The following ST18 variants were observed in gnomAD, a reference collection of about 807,000 sequenced individuals.
ST18 encodes suppression of tumorigenicity 18 protein.
Under a neutral mutation model 110.0 loss-of-function variants are expected in ST18, and 50 were observed. The ratio of observed to expected loss-of-function variants is 0.45; its 90% CI spans 0.36 to 0.58. The LOEUF (loss-of-function observed/expected upper bound fraction) is 0.58. Among genes scored for constraint, ST18 ranks in the 20% least tolerant of loss-of-function variants. ST18 has a pLI of 0.00. For synonymous variants in ST18, 461 were observed against 452.4 expected, an observed-to-expected ratio of 1.02 and a Z score of -0.24; for missense variants, 1,306 against 1,280.1, an observed-to-expected ratio of 1.02 and a Z score of -0.31.
chr8:52,255,183 T>C (rs2138500527), intron 2 of ST18, among the ~76,000 whole-genome samples: 1 of 152,318 alleles, frequency 6.6e-6, no homozygotes, highest in South Asian at 2.1e-4. Flanking sequence ...GAATGGTCTC[T>C]GTGCGGCCCG....
chr8:52,361,940 G>T (rs2140454847), intron 2 of ST18, among the ~76,000 whole-genome samples: 1 of 151,950 alleles, frequency 6.6e-6, no homozygotes, highest in South Asian at 2.1e-4. Flanking sequence ...CAATATGTCT[G>T]AAAATAATTT....
At chr8:52,130,159 G>GAAAC (rs1554586063) in intron 22 of ST18, among the ~76,000 whole-genome samples, 1 of 148,572 alleles carries the variant, frequency 6.7e-6, no homozygotes, top group African/African-American at 2.5e-5. Context: ...AAGAAAGAAA[G>GAAAC]AAAGAAAAAG....
At chr8:52,136,188 C>A (rs1008151866) in intron 19 of ST18, among the ~76,000 whole-genome samples, 3 of 151,958 alleles carry the variant, frequency 2.0e-5, no homozygotes, top group Non-Finnish European at 4.4e-5. Flanking sequence ...TTTTGGCACC[C>A]AAGAGTGAAA....
intron 15 of ST18, among the ~76,000 whole-genome samples, chr8:52,150,541 A>G (rs951228676): frequency 1.3e-5 from 2 of 152,204 alleles, no homozygotes; most frequent in African/African-American, 4.8e-5. Flanking sequence ...ACCCTAGGCT[A>G]TGTGAGCCGG....
chr8:52,276,767 CTTT>C (rs112922704), intron 2 of ST18, among the ~76,000 whole-genome samples: 2 of 140,720 alleles, frequency 1.4e-5, no homozygotes, highest in Admixed American at 7.1e-5. Flanking sequence ...CCTATAAAAT[CTTT>C]TTTTTTTTTT....
At chr8:52,261,500 A>C (rs1174997352) in intron 2 of ST18, among the ~76,000 whole-genome samples, 1 of 152,166 alleles carries the variant, frequency 6.6e-6, no homozygotes, top group Non-Finnish European at 1.5e-5. Context: ...TTCTATGTTA[A>C]CTTCAAAATA....
intron 8 of ST18, among the ~76,000 whole-genome samples, chr8:52,193,131 G>A (rs2075120056): frequency 6.6e-6 from 1 of 152,230 alleles, no homozygotes; most frequent in African/African-American, 2.4e-5. Context: ...GTGCAACCAA[G>A]TAAACTGTCT....
At chr8:52,277,707 C>T (rs79092074) in intron 2 of ST18, among the ~76,000 whole-genome samples, 1,566 of 152,274 alleles carry the variant, frequency 0.01, 24 homozygotes, top group African/African-American at 0.036. Flanking sequence ...TCACCATCAG[C>T]AATACTTAGA....
Position 52,131,965 on chromosome 8 carries a change from G to C in ST18, c.2659C>G (p.His887Asp). The C allele has an allele frequency of 6.2e-7, 1 of 1,614,074 alleles. No individual in the cohort carries two copies. Among genetic ancestry groups the C allele is most frequent in the Non-Finnish European group, 8.5e-7 (1 of 1,179,976 alleles). The change falls in exon 22 of 26, where the codon CAC (histidine) becomes GAC (aspartate). Residue 887 changes from histidine (H) to aspartate (D), a missense_variant. His to Asp is a moderately conservative substitution (Grantham distance 81). Transcript: ENST00000689386. The part of the protein sequence containing the change: ...LGHVNNVFVT[H>D]RSLSGCPLNA... Reference sequence around the variant, plus strand: ...ACAGAAAACTCATGTTACCTTCGGTGGGTGACAAAAACATTATTTACATGG... The same window carrying C: ...ACAGAAAACTCATGTTACCTTCGGTCGGTGACAAAAACATTATTTACATGG...
At chr8:52,158,750 T>C in intron 15 of ST18, 148 bp downstream of exon 15, 1 of 862,524 alleles carries the variant, frequency 1.2e-6, no homozygotes, top group Non-Finnish European at 1.8e-6. Context: ...CCTGCCTGCG[T>C]TCCTCTGAGC....
At chr8:52,350,944 T>C (rs890081088) in intron 2 of ST18, among the ~76,000 whole-genome samples, 7 of 152,004 alleles carry the variant, frequency 4.6e-5, no homozygotes, top group Middle Eastern at 3.4e-3. Flanking sequence ...ATGGTCTCTA[T>C]CTCCTGACCT....
At chr8:52,367,075 T>C (rs181637072) in intron 2 of ST18, among the ~76,000 whole-genome samples, 23 of 152,102 alleles carry the variant, frequency 1.5e-4, no homozygotes, top group Non-Finnish European at 2.9e-4. Flanking sequence ...CTACTAAAAA[T>C]ACAAAAATTA....
chr8:52,111,172 A>G lies in ST18; in HGVS notation c.*2026T>C, dbSNP rs2040435510. The G allele has an allele frequency of 5.2e-6, 2 of 387,722 alleles. No homozygotes were observed. Among genetic ancestry groups the G allele is most frequent in the Non-Finnish European group, 9.1e-6 (2 of 219,104 alleles). 24.0% of individuals were successfully genotyped at this position (387,722 alleles called of 1,614,324 possible). A position where few individuals can be genotyped will look rare whatever the true frequency, so the allele number is the denominator to read the frequency against. On this transcript the variant is annotated 3_prime_UTR_variant, in exon 26 of 26. Coordinates refer to ENST00000689386, the MANE Select transcript of ST18 (RefSeq NM_001352837.2). ...TTAACCTGAAGTCATAGCAAATTATAGTAATAAATATGTAGGTTGGTAAGA... is the reference window on the plus strand; with the variant it reads ...TTAACCTGAAGTCATAGCAAATTATGGTAATAAATATGTAGGTTGGTAAGA...
intron 2 of ST18, among the ~76,000 whole-genome samples, chr8:52,311,729 T>A (rs1325377031): frequency 6.6e-6 from 1 of 152,106 alleles, no homozygotes; most frequent in Non-Finnish European, 1.5e-5. Flanking sequence ...AACCATCAGA[T>A]CTTGTGATAA....
chr8:52,137,603 C>T (rs964852811), intron 17 of ST18, 120 bp from the exon 18 acceptor site: 19 of 864,180 alleles, frequency 2.2e-5, no homozygotes, highest in Non-Finnish European at 3.4e-5. Context: ...CAGTATAGGA[C>T]ATGCAGAAGC....
At chr8:52,118,495 C>A in intron 23 of ST18, 54 bp from the exon 24 acceptor site, 2 of 1,025,322 alleles carry the variant, frequency 2.0e-6, no homozygotes, top group South Asian at 3.6e-5. Context: ...ACAAATGAGT[C>A]ATTATATGTT....
chr8:52,316,111 A>G (rs2096020325), intron 2 of ST18, among the ~76,000 whole-genome samples: 1 of 152,252 alleles, frequency 6.6e-6, no homozygotes, highest in Non-Finnish European at 1.5e-5. Context: ...TGTGACATAT[A>G]CATATTAGAT....
chr8:52,336,586 C>T (rs1438182217), intron 2 of ST18, among the ~76,000 whole-genome samples: 2 of 152,172 alleles, frequency 1.3e-5, no homozygotes, highest in East Asian at 1.9e-4. Flanking sequence ...AGCAATGGCA[C>T]CAGTATTAAC....
rs148283054 is a variant in ST18, at chr8:52,368,814, C to A, written c.-465+40514G>T. 6.9e-3 allele frequency among the ~76,000 whole-genome samples: 1,057 copies of A among 152,172 alleles called. 12 individuals are homozygous for A. Among genetic ancestry groups the A allele is most frequent in the African/African-American group, 0.024 (1,005 of 41,508 alleles). Reference sequence around the variant, plus strand: ...ATCGATGAAAGAGTAGTTAAAATATCCTTAGGATAAATATTAAGAAATTAG... The same window carrying A: ...ATCGATGAAAGAGTAGTTAAAATATACTTAGGATAAATATTAAGAAATTAG... On this transcript the variant is annotated intron_variant, in intron 2 of 25. Transcript: ENST00000689386.
Sources: gnomAD v4.1 joint callset for allele counts (sites outside exome capture counted in the v4.1 genomes callset) on GRCh38, gnomAD v4.1.1 for gene constraint, MANE v1.5 for transcripts, NCBI Gene and HGNC (gene_info 2026-07-23, HGNC 2026-07-21) for gene names.